FSCN2: variants seen among roughly 807,000 people sequenced by gnomAD.
FSCN2 encodes the protein fascin-2.
Under a neutral mutation model 37.8 loss-of-function variants are expected in FSCN2, and 46 were observed. The ratio of observed to expected loss-of-function variants is 1.22; its 90% CI spans 0.96 to 1.56. FSCN2 has a LOEUF of 1.56. Ranked by LOEUF, FSCN2 falls within the 40% of genes most tolerant of loss-of-function variation. The pLI is 0.00. For missense variants in FSCN2, 844 were observed against 730.4 expected (o/e 1.16, Z -1.79); for synonymous variants, 351 against 309.4 (o/e 1.13, Z -1.41).
the FSCN2 span, among the ~76,000 whole-genome samples, chr17:81,519,321 C>G: frequency 6.6e-6 from 1 of 152,160 alleles, no homozygotes; most frequent in Non-Finnish European, 1.5e-5. Flanking sequence ...CGCACTCCCC[C>G]CGGGACGCGG....
intron 1 of FSCN2, among the ~76,000 whole-genome samples, chr17:81,531,492 GTGA>G (rs1568077517): frequency 1.7e-5 from 2 of 115,282 alleles, no homozygotes; most frequent in African/African-American, 4.2e-5. Flanking sequence ...GGTGATGATG[GTGA>G]TGGTGATGGT....
chr17:81,520,203 C>T, the FSCN2 span, among the ~76,000 whole-genome samples: 7 of 151,790 alleles, frequency 4.6e-5, no homozygotes, highest in African/African-American at 7.3e-5. Context: ...CACACCAGGG[C>T]GGTCACACTT....
chr17:81,532,889 C>T lies in FSCN2; in HGVS notation c.827-2163C>T, dbSNP rs151319550. Among the ~76,000 whole-genome samples, 42 of 152,262 alleles carry T rather than the reference C, an allele frequency of 2.8e-4. No homozygotes were observed. The East Asian group carries it at 7.9e-3, about 29-fold the overall frequency. On this transcript the variant is annotated intron_variant, in intron 1 of 4. Transcript: ENST00000417245. ...ATCCCTTTGAGGGGAGAATCCCCTA[C>T]TCAAGACCAGCTCCCATCTCCCACT...
intron 1 of FSCN2, chr17:81,529,696 A>G (rs782308984): frequency 3.4e-5 from 19 of 562,658 alleles, no homozygotes; most frequent in Non-Finnish European, 6.1e-5. Context: ...GGCAGTGCCC[A>G]GCAGGGGCAG....
intron 2 of FSCN2, 73 bp downstream of exon 2, chr17:81,535,281 ACCATCCGCATCCCCATCT>A: frequency 1.1e-6 from 1 of 917,056 alleles, no homozygotes; most frequent in South Asian, 1.6e-5. Context: ...CACCATCCCC[ACCATCCGCATCCCCATCT>A]CCATCCCCAC....
the FSCN2 span, chr17:81,519,015 G>T: frequency 2.0e-5 from 3 of 152,226 alleles, no homozygotes; most frequent in African/African-American, 7.2e-5. Context: ...CAGCAGGGCG[G>T]GCGTGGCTGG....
the FSCN2 span, among the ~76,000 whole-genome samples, chr17:81,518,256 C>T: frequency 6.6e-6 from 1 of 152,140 alleles, no homozygotes; most frequent in Non-Finnish European, 1.5e-5. Flanking sequence ...CCCATCAACT[C>T]CTATTGATTA....
chr17:81,523,415 C>T (rs552444756), upstream of FSCN2, among the ~76,000 whole-genome samples: 244 of 152,342 alleles, frequency 1.6e-3, 1 homozygote, highest in African/African-American at 5.8e-3. Flanking sequence ...GGAACTGCAG[C>T]GGAGCCGATA....
the FSCN2 span, among the ~76,000 whole-genome samples, chr17:81,520,510 C>T: frequency 1.3e-5 from 2 of 152,208 alleles, no homozygotes; most frequent in African/African-American, 4.8e-5. Context: ...CCTTTGGGGG[C>T]GTCACCAAGC....
intron 1 of FSCN2, chr17:81,530,631 C>A (rs782546269): frequency 3.9e-6 from 2 of 514,814 alleles, no homozygotes; most frequent in Non-Finnish European, 7.7e-6. Context: ...TGTCTCCTGG[C>A]AGCTCCCAGG....
Position 81,528,718 on chromosome 17 carries a change from A to C in FSCN2, c.187A>C (p.Ser63Arg). 1 of 1,598,254 alleles carries C rather than the reference A, an allele frequency of 6.3e-7. No individual in the cohort carries two copies. The highest frequency in any genetic ancestry group is 8.5e-7 in the Non-Finnish European group (1 of 1,173,554). ...AGGCACGGCTGTGCTGCTCCGCAGC[A>C]GCCACCTGGGCCGCTACCTGTCGGC... ...GQGTAVLLRS[S>R]HLGRYLSAEE... is the part of the protein sequence containing the mutation. The change falls in exon 1 of 5, where the codon AGC becomes CGC. Residue 63 changes from serine to arginine, a missense_variant. Physicochemically the swap from Ser to Arg is moderately radical, Grantham distance 110 (BLOSUM62 -1). Transcript: ENST00000417245.
intron 1 of FSCN2, among the ~76,000 whole-genome samples, chr17:81,531,012 T>A (rs1480513748): frequency 6.6e-6 from 1 of 152,254 alleles, no homozygotes; most frequent in Non-Finnish European, 1.5e-5. Context: ...CCTTTAGGCA[T>A]TTGTATATGG....
chr17:81,533,057 G>T (rs1182252806), intron 1 of FSCN2, among the ~76,000 whole-genome samples: 1 of 152,140 alleles, frequency 6.6e-6, no homozygotes, highest in Non-Finnish European at 1.5e-5. Context: ...CTGGGGCATG[G>T]AACCTCACGG....
At chr17:81,536,595 C>T in intron 3 of FSCN2, 27 bp from the exon 4 acceptor site, 2 of 1,605,146 alleles carry the variant, frequency 1.2e-6, no homozygotes, top group Non-Finnish European at 1.7e-6. Flanking sequence ...GCGGGAGGGG[C>T]AGCGCAGCAG....
the FSCN2 span, among the ~76,000 whole-genome samples, chr17:81,515,309 G>C: frequency 6.6e-6 from 1 of 152,174 alleles, no homozygotes; most frequent in Admixed American, 6.5e-5. Flanking sequence ...GGAGAGGGCC[G>C]GGCAGCTGGG....
At chr17:81,533,361 C>G (rs891823198) in intron 1 of FSCN2, among the ~76,000 whole-genome samples, 1 of 152,202 alleles carries the variant, frequency 6.6e-6, no homozygotes, top group Non-Finnish European at 1.5e-5. Flanking sequence ...TCTCCTGAAA[C>G]GGGAGTCCAG....
At chr17:81,515,731 G>A in the FSCN2 span, among the ~76,000 whole-genome samples, 1 of 152,202 alleles carries the variant, frequency 6.6e-6, no homozygotes, top group Non-Finnish European at 1.5e-5. Flanking sequence ...AGTCCCCACC[G>A]CCAACCACCT....
At chr17:81,529,402 C>A in intron 1 of FSCN2, 45 bp downstream of exon 1, 1 of 1,438,476 alleles carries the variant, frequency 7.0e-7, no homozygotes. Context: ...TGCTGGGACC[C>A]CCCTGCTTCA....
intron 1 of FSCN2, 61 bp downstream of exon 1, chr17:81,529,418 G>C: frequency 7.8e-7 from 1 of 1,279,858 alleles, no homozygotes; most frequent in Non-Finnish European, 1.1e-6. Flanking sequence ...CTTCAGGGAG[G>C]AGGCCGTGGG....
Sources: allele counts gnomAD v4.1 joint callset (sites outside exome capture counted in the v4.1 genomes callset), GRCh38; gene constraint gnomAD v4.1.1; transcripts MANE v1.5; gene names NCBI Gene and HGNC (gene_info 2026-07-23, HGNC 2026-07-21).